The following IDE variants were observed in gnomAD, a reference collection of about 807,000 sequenced individuals.
IDE encodes insulin degrading enzyme, also known as insulin-degrading enzyme.
In IDE, 58 loss-of-function variants were observed where a neutral mutation model predicts 133.2. The observed-to-expected ratio is 0.44, with a 90% CI of 0.35 to 0.54. The LOEUF is 0.54. Among genes scored for constraint, IDE ranks in the 20% least tolerant of loss-of-function variants. IDE has a pLI of 0.00. For missense variants in IDE, 981 were observed against 1,234.0 expected (o/e 0.79, Z 3.07); for synonymous variants, 396 against 421.3 (o/e 0.94, Z 0.73).
intron 10 of IDE, among the ~76,000 whole-genome samples, chr10:92,505,556 A>G (rs182052157): frequency 6.6e-6 from 1 of 152,352 alleles, no homozygotes; most frequent in Non-Finnish European, 1.5e-5. Context: ...GTCCTCCAAG[A>G]AGCACACAGA....
At chr10:92,549,095 T>C (rs780895492) in intron 1 of IDE, among the ~76,000 whole-genome samples, 4 of 151,922 alleles carry the variant, frequency 2.6e-5, no homozygotes, top group Non-Finnish European at 5.9e-5. Context: ...CTGTCTCTAC[T>C]AAAAATACAA....
intron 22 of IDE, among the ~76,000 whole-genome samples, chr10:92,459,071 C>T (rs1011815128): frequency 1.3e-5 from 2 of 152,222 alleles, no homozygotes; most frequent in African/African-American, 4.8e-5. Flanking sequence ...TTTCAAAATA[C>T]TGGCTTCTGC....
intron 1 of IDE, among the ~76,000 whole-genome samples, chr10:92,545,988 C>A (rs1235784432): frequency 6.6e-6 from 1 of 152,002 alleles, no homozygotes; most frequent in African/African-American, 2.4e-5. Flanking sequence ...TCAAACTAGC[C>A]CAAACCAGAA....
intron 13 of IDE, among the ~76,000 whole-genome samples, chr10:92,484,936 G>A (rs1846880521): frequency 6.6e-6 from 1 of 151,728 alleles, no homozygotes; most frequent in African/African-American, 2.4e-5. Context: ...GGTGCTTGTA[G>A]TCCTACGTAC....
At chr10:92,479,566 GA>G (rs1261730557) in intron 14 of IDE, 145 bp from the exon 15 acceptor site, 8 of 625,194 alleles carry the variant, frequency 1.3e-5, no homozygotes, top group South Asian at 4.3e-5. Context: ...TTCTTATGAG[GA>G]AAAAAAAGAA....
At chr10:92,464,733 C>T (rs1484077876) in intron 20 of IDE, among the ~76,000 whole-genome samples, 5 of 152,184 alleles carry the variant, frequency 3.3e-5, no homozygotes, top group African/African-American at 7.2e-5. Context: ...TCAAGTGGCA[C>T]GATCTCCGCT....
At chr10:92,517,782 G>A (rs1849004967) in intron 4 of IDE, among the ~76,000 whole-genome samples, 1 of 152,050 alleles carries the variant, frequency 6.6e-6, no homozygotes, top group Admixed American at 6.5e-5. Flanking sequence ...GGCAAGCATG[G>A]TGGCATGCCT....
In IDE at chr10:92,537,544, T is replaced by C. The variant is rs771091181; in HGVS notation, c.105A>G (p.Gln35=). Residue 35 remains glutamine, a synonymous_variant, in exon 2 of 25, where the codon CAA becomes CAG. Transcript: ENST00000265986. The part of the protein sequence containing the change: ...LPPPERLCGF[Q]KKTYSKMNNP... ...TATTCATTTTGCTGTAAGTCTTTTT[T>C]TGGAAACTGAAAAGAAAGAGATTTT... 9.4e-6 allele frequency: 15 copies of C among 1,588,798 alleles called. No homozygotes were observed. Among genetic ancestry groups the C allele is most frequent in the African/African-American group, 4.1e-5 (3 of 73,436 alleles).
chr10:92,486,441 TATCTC>T (rs1847001686), intron 13 of IDE, among the ~76,000 whole-genome samples: 1 of 152,208 alleles, frequency 6.6e-6, no homozygotes, highest in Non-Finnish European at 1.5e-5. Flanking sequence ...CACTAATTGT[TATCTC>T]ATTGAACTCA....
rs780006450 is a variant in IDE at position 92,534,776 on chromosome 10, G to A, written c.293C>T (p.Ser98Leu). ...TAAGCCAGCAATATTTGGAGGATCC[G>A]ACAATGAACCTGAAAGAGAAAACAC... ...AALDVHIGSL[S>L]DPPNIAGLSH... Residue 98 changes from serine (S) to leucine (L), a missense_variant, in exon 3 of 25, where the codon TCG becomes TTG. Physicochemically the swap from Ser to Leu is moderately radical, Grantham distance 145 (BLOSUM62 -2). Coordinates refer to ENST00000265986, the MANE Select transcript of IDE (RefSeq NM_004969.4). The A allele has an allele frequency of 5.0e-6, 8 of 1,612,162 alleles. No individual in the cohort carries two copies. Among genetic ancestry groups the A allele is most frequent in the East Asian group, 2.2e-5 (1 of 44,854 alleles).
intron 2 of IDE, among the ~76,000 whole-genome samples, chr10:92,536,955 T>C (rs1399884968): frequency 2.0e-5 from 3 of 151,524 alleles, no homozygotes; most frequent in African/African-American, 7.3e-5. Flanking sequence ...GGTGAATTGC[T>C]TGAACCCAGG....
Position 92,511,084 on chromosome 10 carries a change from T to TAA in IDE, c.785-924_785-923dup, listed in dbSNP as rs35891632. On this transcript the variant is annotated intron_variant, in intron 5 of 24. Coordinates refer to ENST00000265986, the MANE Select transcript of IDE (RefSeq NM_004969.4). ...TATTATCCTAAAAAGAAAGCAGTGTTAAAAAAAAAAAAAAAAACTTTTTTT... is the reference window on the plus strand; with the variant it reads ...TATTATCCTAAAAAGAAAGCAGTGTTAAAAAAAAAAAAAAAAAAACTTTTTTT... Among the ~76,000 whole-genome samples the TAA allele has an allele frequency of 1.8e-3, 195 of 108,208 alleles. 1 individual carries two copies. The highest frequency in any genetic ancestry group is 2.7e-3 in the Non-Finnish European group (147 of 55,176). The allele number at this position is 108,208 out of a possible 152,430, so 71.0% of individuals were successfully genotyped here. A position where few individuals can be genotyped will look rare whatever the true frequency, so the allele number is the denominator to read the frequency against.
At position 92,524,463 on chromosome 10, in the gene IDE, T is replaced by A. The variant is rs865949401; in HGVS notation, c.661+7285A>T. On this transcript the variant is annotated intron_variant, in intron 4 of 24. Transcript: ENST00000265986. ...TAATATATTTTATATATTATATATT[T>A]TATATAATATATAATATATATTATA... is the stretch of plus-strand genomic sequence containing the variant. Among the ~76,000 whole-genome samples, 209 of 52,774 alleles carry A rather than the reference T, an allele frequency of 4.0e-3. 8 individuals carry two copies. The highest frequency in any genetic ancestry group is 0.013 in the Middle Eastern group (2 of 156). 34.6% of individuals were successfully genotyped at this position (52,774 alleles called of 152,430 possible). A position where few individuals can be genotyped will look rare whatever the true frequency, so the allele number is the denominator to read the frequency against.
chr10:92,551,566 C>CAAAAAA (rs1232265058), intron 1 of IDE, among the ~76,000 whole-genome samples: 16 of 66,430 alleles, frequency 2.4e-4, no homozygotes, highest in East Asian at 8.9e-4. Context: ...GACTCCATCT[C>CAAAAAA]AAAAAAAAAA....
In IDE at chr10:92,485,341, G is replaced by A. The variant is rs1430171319; in HGVS notation, c.1656+1855C>T. On this transcript the variant is annotated intron_variant, in intron 13 of 24. Transcript: ENST00000265986. ...TCACCATTTTGGTCAGGCTGGTCTC[G>A]AACTCCTGACCTCATGATCCACTCG... Among the ~76,000 whole-genome samples the A allele has an allele frequency of 3.9e-5, 6 of 151,922 alleles. No homozygotes were observed. The East Asian group carries it at 1.2e-3, about 29-fold the overall frequency.
chr10:92,542,398 A>AC (rs1313882666), intron 1 of IDE, among the ~76,000 whole-genome samples: 1 of 152,100 alleles, frequency 6.6e-6, no homozygotes, highest in Non-Finnish European at 1.5e-5. Flanking sequence ...CAAGCAATCC[A>AC]CCCGCCTTGG....
intron 1 of IDE, among the ~76,000 whole-genome samples, chr10:92,544,909 T>C (rs922453920): frequency 1.3e-5 from 2 of 152,154 alleles, no homozygotes; most frequent in African/African-American, 4.8e-5. Flanking sequence ...TAAAAACAAG[T>C]ACTACAGTAG....
chr10:92,527,948 G>A (rs1437975335), intron 4 of IDE, among the ~76,000 whole-genome samples: 2 of 152,186 alleles, frequency 1.3e-5, no homozygotes, highest in Non-Finnish European at 2.9e-5. Context: ...CCTGGGAGGC[G>A]GAGGTGGCAG....
intron 1 of IDE, among the ~76,000 whole-genome samples, chr10:92,549,855 C>A (rs1487400001): frequency 6.6e-6 from 1 of 152,030 alleles, no homozygotes; most frequent in Non-Finnish European, 1.5e-5. Flanking sequence ...AGGATTCAAA[C>A]CCAAGTCTTT....
Sources: allele counts gnomAD v4.1 joint callset (sites outside exome capture counted in the v4.1 genomes callset), GRCh38; gene constraint gnomAD v4.1.1; transcripts MANE v1.5; gene names NCBI Gene and HGNC (gene_info 2026-07-23, HGNC 2026-07-21).